SORCS3: variants seen among roughly 807,000 people sequenced by gnomAD.
SORCS3 encodes the protein sortilin related VPS10 domain containing receptor 3.
In SORCS3, 57 loss-of-function variants were observed where a neutral mutation model predicts 146.3. That is an observed-to-expected ratio of 0.39 (90% CI 0.31 to 0.49). SORCS3 has a LOEUF of 0.49. SORCS3 is among the 20% of genes least tolerant of loss of function. The pLI, the probability that SORCS3 is intolerant of heterozygous loss-of-function variation, is 0.92. For missense variants in SORCS3, 1,341 were observed against 1,575.5 expected (o/e 0.85, Z 2.52); for synonymous variants, 653 against 618.5 (o/e 1.06, Z -0.83).
At chr10:104,783,156 C>T (rs2017393825) in intron 1 of SORCS3, among the ~76,000 whole-genome samples, 1 of 152,100 alleles carries the variant, frequency 6.6e-6, no homozygotes, top group African/African-American at 2.4e-5. Context: ...TATCCTTGAC[C>T]ATCCTAATGT....
intron 2 of SORCS3, among the ~76,000 whole-genome samples, chr10:104,865,966 A>G (rs184131441): frequency 2.0e-5 from 3 of 152,334 alleles, no homozygotes; most frequent in Non-Finnish European, 2.9e-5. Context: ...ATAGTTTTCT[A>G]TCTGTTCCCC....
chr10:105,255,551 G>C, intron 23 of SORCS3, 151 bp from the exon 24 acceptor site: 1 of 607,650 alleles, frequency 1.6e-6, no homozygotes, highest in Non-Finnish European at 3.0e-6. Flanking sequence ...CAAGGGCTGT[G>C]AGAACCAAAT....
intron 4 of SORCS3, among the ~76,000 whole-genome samples, chr10:105,027,852 A>G (rs73338271): frequency 0.046 from 7,000 of 152,272 alleles, 189 homozygotes; most frequent in Middle Eastern, 0.075. Flanking sequence ...CTTGTGGAGA[A>G]ACACATGTGG....
At chr10:105,201,358 T>C in intron 16 of SORCS3, 105 bp downstream of exon 16, 1 of 1,329,920 alleles carries the variant, frequency 7.5e-7, no homozygotes, top group South Asian at 1.5e-5. Flanking sequence ...GACGCAGAGA[T>C]AGGAGGTGTA....
chr10:105,211,009 G>T, intron 16 of SORCS3, 128 bp from the exon 17 acceptor site: 1 of 603,670 alleles, frequency 1.7e-6, no homozygotes, highest in South Asian at 2.2e-5. Flanking sequence ...ACCCTCACTG[G>T]GGATATTTAA....
chr10:104,760,491 T>C (rs911942217), intron 1 of SORCS3, among the ~76,000 whole-genome samples: 13 of 152,198 alleles, frequency 8.5e-5, no homozygotes, highest in African/African-American at 2.9e-4. Flanking sequence ...TTTTATGTAC[T>C]CCAAGTTGAA....
At chr10:104,728,734 G>A (rs2016671374) in intron 1 of SORCS3, among the ~76,000 whole-genome samples, 1 of 152,124 alleles carries the variant, frequency 6.6e-6, no homozygotes, top group African/African-American at 2.4e-5. Context: ...ATAACCCCTG[G>A]AAAAATCCTA....
chr10:104,673,449 T>TG (rs2015879915), intron 1 of SORCS3, among the ~76,000 whole-genome samples: 1 of 151,794 alleles, frequency 6.6e-6, no homozygotes, highest in East Asian at 1.9e-4. Flanking sequence ...TGTGTGTGTA[T>TG]TTTTTGATGT....
In SORCS3 at chr10:104,884,843, CT is replaced by C. The variant is rs538298077; in HGVS notation, c.696-30979del. Among the ~76,000 whole-genome samples, 890 of 147,316 alleles carry C rather than the reference CT, an allele frequency of 6.0e-3. 3 individuals carry two copies. The highest frequency in any genetic ancestry group is 0.02 in the South Asian group (92 of 4,650). On this transcript the variant is annotated intron_variant, in intron 2 of 26. Coordinates refer to ENST00000369701, the MANE Select transcript of SORCS3 (RefSeq NM_014978.3). ...AATCTGATCTCATGTATTTTTCTAG[CT>C]TTTTTTTTTTCCTCCTATGTCCCTC...
chr10:104,977,930 C>T (rs2054910663), intron 4 of SORCS3, among the ~76,000 whole-genome samples: 1 of 151,952 alleles, frequency 6.6e-6, no homozygotes, highest in South Asian at 2.1e-4. Flanking sequence ...CGGGGTTTCA[C>T]CAAGTTGGCC....
chr10:104,938,464 C>G (rs556268811), intron 3 of SORCS3, among the ~76,000 whole-genome samples: 2 of 152,278 alleles, frequency 1.3e-5, no homozygotes, highest in South Asian at 4.2e-4. Flanking sequence ...CACTCATACT[C>G]TTTGACCTTT....
intron 14 of SORCS3, among the ~76,000 whole-genome samples, chr10:105,179,365 G>T (rs991164847): frequency 2.0e-5 from 3 of 152,196 alleles, no homozygotes; most frequent in African/African-American, 4.8e-5. Context: ...ATATGAGGGA[G>T]ATTGACCTCA....
intron 5 of SORCS3, among the ~76,000 whole-genome samples, chr10:105,075,986 C>T (rs534228789): frequency 5.9e-5 from 9 of 152,212 alleles, no homozygotes; most frequent in Admixed American, 2.0e-4. Flanking sequence ...TCACTTTCTA[C>T]ATAATCAGGA....
intron 5 of SORCS3, among the ~76,000 whole-genome samples, chr10:105,048,706 G>A (rs1269386820): frequency 6.6e-6 from 1 of 151,948 alleles, no homozygotes; most frequent in Non-Finnish European, 1.5e-5. Context: ...AGAAAGTGGT[G>A]ATAATGAAAA....
At chr10:105,016,495 C>T (rs1918831) in intron 4 of SORCS3, among the ~76,000 whole-genome samples, 1,759 of 151,932 alleles carry the variant, frequency 0.012, 33 homozygotes, top group African/African-American at 0.039. Context: ...TGATTTTTAG[C>T]GAGCAGACAC....
At chr10:104,653,571 A>G (rs2133241204) in intron 1 of SORCS3, among the ~76,000 whole-genome samples, 1 of 152,170 alleles carries the variant, frequency 6.6e-6, no homozygotes, top group East Asian at 1.9e-4. Flanking sequence ...GAATAGATGT[A>G]TTTTGACTCT....
At chr10:105,055,011 T>G (rs1421143171) in intron 5 of SORCS3, among the ~76,000 whole-genome samples, 1 of 152,232 alleles carries the variant, frequency 6.6e-6, no homozygotes, top group Non-Finnish European at 1.5e-5. Flanking sequence ...GCAGCCAAGC[T>G]ATACATTCAT....
chr10:104,688,570 T>C (rs1238962847), intron 1 of SORCS3, among the ~76,000 whole-genome samples: 4 of 152,242 alleles, frequency 2.6e-5, no homozygotes, highest in African/African-American at 9.6e-5. Context: ...CTCTGAGCGT[T>C]CTCACCCCTA....
intron 3 of SORCS3, among the ~76,000 whole-genome samples, chr10:104,970,331 G>T (rs2054853457): frequency 6.6e-6 from 1 of 152,120 alleles, no homozygotes; most frequent in Non-Finnish European, 1.5e-5. Context: ...ATTTTTGGTA[G>T]AGATGGGGTT....
Sources: allele counts gnomAD v4.1 joint callset (sites outside exome capture counted in the v4.1 genomes callset), GRCh38; gene constraint gnomAD v4.1.1; transcripts MANE v1.5; gene names NCBI Gene and HGNC (gene_info 2026-07-23, HGNC 2026-07-21).